The following LCT variants were observed in gnomAD, a reference collection of about 807,000 sequenced individuals.
LCT encodes lactase, also known as lactase/phlorizin hydrolase.
LCT carries 90 observed loss-of-function variants against 173.0 expected under a neutral mutation model. That is an observed-to-expected ratio of 0.52 (90% CI 0.44 to 0.62). The LOEUF is 0.62. Ranked by LOEUF, LCT falls within the 20% of genes least tolerant of loss-of-function variation. The pLI is 0.00. For synonymous variants in LCT, 853 were observed against 957.6 expected, an observed-to-expected ratio of 0.89 and a Z score of 2.02; for missense variants, 1,864 against 2,431.4, an observed-to-expected ratio of 0.77 and a Z score of 4.91.
At chr2:135,836,394 A>T in intron 1 of LCT, 136 bp downstream of exon 1, 1 of 823,192 alleles carries the variant, frequency 1.2e-6, no homozygotes, top group Non-Finnish European at 2.1e-6. Context: ...TTACAATATT[A>T]ATTTCTCCCT....
At chr2:135,836,275 TC>T (rs1291037823) in intron 1 of LCT, among the ~76,000 whole-genome samples, 1 of 152,046 alleles carries the variant, frequency 6.6e-6, no homozygotes, top group African/African-American at 2.4e-5. Context: ...CACCTCGGCC[TC>T]CCAAAGTGCT....
rs536149502 is a variant in LCT, at chr2:135,809,954, G to A, written c.2393C>T (p.Ala798Val). The change falls in exon 8 of 17, where the codon GCT becomes GTT. Residue 798 changes from alanine (A) to valine (V), a missense_variant. Physicochemically the swap from Ala to Val is moderately conservative, Grantham distance 64. Around this residue, in one of 4 missense-constraint regions of LCT, gnomAD observed 755 missense variants for 926.3 expected, o/e 0.82. Coordinates refer to ENST00000264162, the MANE Select transcript of LCT (RefSeq NM_002299.4). This position sits in a 1 kb window ranked among gnomAD's most constrained non-coding sequence, Gnocchi z 5.5. The part of the protein sequence containing the change: ...EDSVDVRSYI[A>V]RSLIDGFEGP... ...TTCGAAGCCATCAATGAGGGAACGA[G>A]CAATGTAGGAACGAACATCCACAGA... 6.2e-7 allele frequency: 1 copy of A among 1,613,988 alleles called. No homozygotes were observed. Among genetic ancestry groups the A allele is most frequent in the Non-Finnish European group, 8.5e-7 (1 of 1,179,870 alleles).
In LCT at chr2:135,790,919, T is replaced by C; in HGVS notation, c.5112-38A>G. The C allele has an allele frequency of 6.6e-7, 1 of 1,511,236 alleles. No individual in the cohort carries two copies. The highest frequency in any genetic ancestry group is 9.2e-7 in the Non-Finnish European group (1 of 1,086,552). 93.6% of individuals were successfully genotyped at this position (1,511,236 alleles called of 1,614,324 possible). On this transcript the variant is annotated intron_variant, in intron 14 of 16. Transcript: ENST00000264162. The surrounding 1 kb of genome is among the most constrained non-coding windows in gnomAD (Gnocchi z 4.1). ...AAACTAAAGATGAGGTCTTGTTTTGTAAATCTCAAGAGGCCCTTTACACGA... is the reference window on the plus strand; with the variant it reads ...AAACTAAAGATGAGGTCTTGTTTTGCAAATCTCAAGAGGCCCTTTACACGA...
At chr2:135,808,059 T>G (rs1354972935) in intron 8 of LCT, among the ~76,000 whole-genome samples, 2 of 151,578 alleles carry the variant, frequency 1.3e-5, no homozygotes, top group African/African-American at 4.8e-5. Context: ...AAAGGAAGTT[T>G]GAATTAACAC....
At position 135,794,644 on chromosome 2, in the gene LCT, T is replaced by C. The variant is rs1361288769; in HGVS notation, c.5108A>G (p.Asp1703Gly). Residue 1703 changes from aspartate to glycine, a missense_variant, in exon 14 of 17, where the codon GAC (aspartate) becomes GGC (glycine). This residue lies in a region of LCT where 514 missense variants were observed against 750.1 expected (regional missense o/e 0.69). Transcript: ENST00000264162. ...GGCTCCCTGTTGGTGGACTTACCTG[T>C]CTGCATCAAAAGAAGAGATGGCAGT... is the stretch of plus-strand genomic sequence containing the variant. ...YATAISSFDA[D>G]RGVASIADRS... is the part of the protein sequence containing the mutation. 1.2e-6 allele frequency: 2 copies of C among 1,614,096 alleles called. No individual in the cohort carries two copies. The highest frequency in any genetic ancestry group is 3.3e-5 in the Admixed American group (2 of 60,024).
intron 9 of LCT, 62 bp downstream of exon 9, chr2:135,807,066 C>A: frequency 2.5e-6 from 4 of 1,587,256 alleles, no homozygotes; most frequent in Non-Finnish European, 3.5e-6. Context: ...CAGCACTGAG[C>A]CCAGAGCCTG....
At chr2:135,811,829 C>T (rs193070201) in intron 7 of LCT, among the ~76,000 whole-genome samples, 187 of 151,910 alleles carry the variant, frequency 1.2e-3, no homozygotes, top group African/African-American at 4.3e-3. Flanking sequence ...GCCTGTAGTC[C>T]CAACACTTTG....
In LCT at chr2:135,790,650, C is replaced by T. The variant is rs758403135; in HGVS notation, c.5335+8G>A. The T allele has an allele frequency of 2.1e-5, 34 of 1,581,756 alleles. No individual in the cohort carries two copies. The highest frequency in any genetic ancestry group is 2.3e-5 in the Non-Finnish European group (27 of 1,152,276). On this transcript the variant is annotated splice_region_variant and intron_variant, in intron 15 of 16. Transcript: ENST00000264162. This position sits in a 1 kb window ranked among gnomAD's most constrained non-coding sequence, Gnocchi z 4.1. ...GGTGCACGCTGGGGAAGGGCGGGCCCGTCGTACCTTTGAGGGCCTCATTGA... is the reference window on the plus strand; with the variant it reads ...GGTGCACGCTGGGGAAGGGCGGGCCTGTCGTACCTTTGAGGGCCTCATTGA...
chr2:135,823,853 C>A (rs2077859233), intron 4 of LCT, 48 bp downstream of exon 4: 3 of 1,227,258 alleles, frequency 2.4e-6, no homozygotes, highest in Admixed American at 1.7e-5. Flanking sequence ...CCTAGCACAC[C>A]AGTGCACCAG....
chr2:135,836,007 TATATATATGTATACATA>T (rs1294360830), intron 1 of LCT, among the ~76,000 whole-genome samples: 431 of 18,072 alleles, frequency 0.024, 9 homozygotes, highest in Non-Finnish European at 0.1. Context: ...TATATATATA[TATATATATGTATACATA>T]TTTTTTTTTT....
intron 9 of LCT, 82 bp downstream of exon 9, chr2:135,807,046 C>T: frequency 6.6e-7 from 1 of 1,506,232 alleles, no homozygotes; most frequent in South Asian, 1.1e-5. Context: ...GTTCATGCAT[C>T]TGCCCTTCCC....
At chr2:135,815,051 G>T (rs2077767990) in intron 6 of LCT, among the ~76,000 whole-genome samples, 1 of 152,084 alleles carries the variant, frequency 6.6e-6, no homozygotes, top group Non-Finnish European at 1.5e-5. Flanking sequence ...CCTATATGAG[G>T]ACAGCAAGAA....
chr2:135,818,667 GTC>G (rs943478131), intron 5 of LCT, among the ~76,000 whole-genome samples: 13 of 152,096 alleles, frequency 8.5e-5, no homozygotes, highest in African/African-American at 3.1e-4. Flanking sequence ...GGGAAACCCC[GTC>G]TCTACTAAAA....
At chr2:135,836,413 A>T (rs989828424) in intron 1 of LCT, 117 bp downstream of exon 1, 2 of 920,098 alleles carry the variant, frequency 2.2e-6, no homozygotes, top group African/African-American at 3.2e-5. Flanking sequence ...CTATGCACAG[A>T]CATAAGAGGA....
At position 135,803,944 on chromosome 2, in the gene LCT, C is replaced by A; in HGVS notation, c.4649G>T (p.Gly1550Val). ...CTGGGACTTACCTGGAGCTGCTGTT[C>A]CGTAGCCATAGCCCTGGTAAGCAAT... ...FVIAYQGYGYGTAAPGVSNRP... is the reference protein window; with the variant it reads ...FVIAYQGYGYVTAAPGVSNRP... The change falls in exon 11 of 17, where the codon GGA (glycine) becomes GTA (valine). Residue 1550 changes from glycine (G) to valine (V), a missense_variant. Coordinates refer to ENST00000264162, the MANE Select transcript of LCT (RefSeq NM_002299.4). The A allele has an allele frequency of 6.2e-7, 1 of 1,613,934 alleles. No homozygotes were observed.
In LCT at chr2:135,807,111, C is replaced by T. The variant is rs2077682237; in HGVS notation, c.4173+17G>A. ...AGGTGTGCAGTCACTGGTGTCCCACCATCCTGAACTCCTCACCTGATATGC... is the reference window on the plus strand; with the variant it reads ...AGGTGTGCAGTCACTGGTGTCCCACTATCCTGAACTCCTCACCTGATATGC... On this transcript the variant is annotated intron_variant, in intron 9 of 16. Transcript: ENST00000264162. 1 of 1,613,872 alleles carries T rather than the reference C, an allele frequency of 6.2e-7. No homozygotes were observed. The highest frequency in any genetic ancestry group is 1.3e-5 in the African/African-American group (1 of 74,928).
chr2:135,821,828 C>T lies in LCT; in HGVS notation c.986+192G>A, dbSNP rs374511047. 62 of 582,628 alleles carry T rather than the reference C, an allele frequency of 1.1e-4. No individual in the cohort carries two copies. The South Asian group carries it at 1.2e-3, about 11-fold the overall frequency. The allele number at this position is 582,628 out of a possible 1,614,324, so 36.1% of individuals were successfully genotyped here. A position where few individuals can be genotyped will look rare whatever the true frequency, so the allele number is the denominator to read the frequency against. ...GAACTGACAGATGAGAAAGCAGAAC[C>T]TCGTGAGTCCCACTCAGTAAGAGAC... On this transcript the variant is annotated intron_variant, in intron 5 of 16. Coordinates refer to ENST00000264162, the MANE Select transcript of LCT (RefSeq NM_002299.4).
At chr2:135,827,316 A>C (rs953773540) in intron 3 of LCT, among the ~76,000 whole-genome samples, 7 of 152,180 alleles carry the variant, frequency 4.6e-5, no homozygotes, top group Admixed American at 4.6e-4. Context: ...AGAAAGCCCT[A>C]GTTCAAATCC....
chr2:135,808,036 T>A (rs1370687920), intron 8 of LCT, among the ~76,000 whole-genome samples: 2 of 150,630 alleles, frequency 1.3e-5, no homozygotes, highest in African/African-American at 4.9e-5. Context: ...CAAGACTCCA[T>A]CTCAAAAAAA....
Sources: gnomAD v4.1 joint callset for allele counts (sites outside exome capture counted in the v4.1 genomes callset) on GRCh38, gnomAD v4.1.1 for gene constraint, gnomAD v4.1.1 regional missense constraint, Gnocchi (gnomAD v3.1) non-coding constraint, MANE v1.5 for transcripts, NCBI Gene and HGNC (gene_info 2026-07-23, HGNC 2026-07-21) for gene names.